Variants in ALPK2 observed in about 807,000 individuals in gnomAD.
ALPK2 encodes alpha kinase 2, also known as alpha-protein kinase 2.
ALPK2 carries 127 observed loss-of-function variants against 163.1 expected under a neutral mutation model. The observed-to-expected ratio is 0.78, with a 90% CI of 0.67 to 0.90. ALPK2 has a LOEUF of 0.90. Among genes scored for constraint, ALPK2 ranks in the 40% least tolerant of loss-of-function variants. The pLI, the probability that ALPK2 is intolerant of heterozygous loss-of-function variation, is 0.00. For missense variants in ALPK2, 2,360 were observed against 2,589.6 expected (o/e 0.91, Z 1.92); for synonymous variants, 953 against 959.1 (o/e 0.99, Z 0.12).
intron 4 of ALPK2, among the ~76,000 whole-genome samples, chr18:58,559,615 T>A (rs1489991002): frequency 2.0e-5 from 3 of 152,200 alleles, no homozygotes; most frequent in Admixed American, 6.5e-5. Flanking sequence ...TATAGTTGAT[T>A]GGCTATGGAG....
chr18:58,523,074 C>A (rs187219309), intron 8 of ALPK2, among the ~76,000 whole-genome samples: 2,504 of 108,176 alleles, frequency 0.023, 59 homozygotes, highest in South Asian at 0.047. Flanking sequence ...TCCCCCCACC[C>A]CACAACAGTC....
At chr18:58,607,514 T>C in intron 2 of ALPK2, 75 bp from the exon 3 acceptor site, 2 of 919,914 alleles carry the variant, frequency 2.2e-6, no homozygotes, top group Non-Finnish European at 3.2e-6. Context: ...CATAAAGCTA[T>C]GAACAAGGAT....
intron 4 of ALPK2, among the ~76,000 whole-genome samples, chr18:58,562,485 G>T (rs2144177919): frequency 6.6e-6 from 1 of 152,324 alleles, no homozygotes; most frequent in Non-Finnish European, 1.5e-5. Flanking sequence ...CACAATATCA[G>T]CATCATTCAA....
chr18:58,489,628 A>C (rs2051361596), intron 12 of ALPK2, among the ~76,000 whole-genome samples: 1 of 151,766 alleles, frequency 6.6e-6, no homozygotes, highest in Non-Finnish European at 1.5e-5. Context: ...TCGAGGCAGC[A>C]GTGAGCCATG....
chr18:58,584,395 A>G (rs2051975280), intron 3 of ALPK2, among the ~76,000 whole-genome samples: 1 of 152,206 alleles, frequency 6.6e-6, no homozygotes, highest in Non-Finnish European at 1.5e-5. Context: ...CCTGTGGGCA[A>G]AACTGAGGTT....
chr18:58,604,920 T>G (rs1176889255), intron 3 of ALPK2, among the ~76,000 whole-genome samples: 1 of 152,214 alleles, frequency 6.6e-6, no homozygotes. Flanking sequence ...CCTCATGGGC[T>G]TCTTATTCCT....
At position 58,536,117 on chromosome 18, in the gene ALPK2, A is replaced by C; in HGVS notation, c.4070T>G (p.Leu1357Arg). The change falls in exon 5 of 13, where the codon CTG becomes CGG. Residue 1357 changes from leucine (L) to arginine (R), a missense_variant. Transcript: ENST00000361673. Reference protein sequence around the residue: ...DEKELSVTDSLSAASETGGKE... With the variant: ...DEKELSVTDSRSAASETGGKE... The stretch of plus-strand genomic sequence containing the variant: ...CCCTCCAGTTTCAGAAGCCGCTGAC[A>C]GTGAATCTGTGACAGATAACTCCTT... The C allele has an allele frequency of 6.2e-7, 1 of 1,614,156 alleles. No homozygotes were observed. Among genetic ancestry groups the C allele is most frequent in the Non-Finnish European group, 8.5e-7 (1 of 1,180,030 alleles).
chr18:58,556,511 C>T (rs1042246748), intron 4 of ALPK2, among the ~76,000 whole-genome samples: 1 of 151,994 alleles, frequency 6.6e-6, no homozygotes, highest in African/African-American at 2.4e-5. Context: ...TTAGCCCAGG[C>T]ACCGTGCATT....
chr18:58,616,998 C>T (rs1255105616), intron 1 of ALPK2, among the ~76,000 whole-genome samples: 5 of 152,042 alleles, frequency 3.3e-5, no homozygotes, highest in Admixed American at 6.6e-5. Flanking sequence ...GAACTGAAGC[C>T]GAGAACACCC....
At chr18:58,583,616 C>A (rs1471892371) in intron 3 of ALPK2, among the ~76,000 whole-genome samples, 4 of 151,870 alleles carry the variant, frequency 2.6e-5, no homozygotes, top group Admixed American at 2.6e-4. Context: ...GAGTTCAAGA[C>A]CTGCCTGGGA....
At chr18:58,487,869 C>T (rs975907063) in intron 12 of ALPK2, among the ~76,000 whole-genome samples, 1 of 118,446 alleles carries the variant, frequency 8.4e-6, no homozygotes, top group Non-Finnish European at 1.9e-5. Context: ...AAAACAAAAA[C>T]AAAAACAAAA....
At chr18:58,487,897 A>G (rs1193106650) in intron 12 of ALPK2, among the ~76,000 whole-genome samples, 1 of 152,224 alleles carries the variant, frequency 6.6e-6, no homozygotes, top group Non-Finnish European at 1.5e-5. Flanking sequence ...ATAGCATTCA[A>G]TATATAGTCT....
At chr18:58,489,746 C>T (rs1339555427) in intron 12 of ALPK2, among the ~76,000 whole-genome samples, 2 of 152,138 alleles carry the variant, frequency 1.3e-5, no homozygotes, top group East Asian at 3.9e-4. Flanking sequence ...AAATACACAT[C>T]AGCTCTTTAA....
intron 4 of ALPK2, among the ~76,000 whole-genome samples, chr18:58,552,034 C>T (rs773724289): frequency 6.6e-6 from 1 of 152,114 alleles, no homozygotes; most frequent in African/African-American, 2.4e-5. Flanking sequence ...TATTTTCCCA[C>T]CCAACCCCAT....
intron 11 of ALPK2, among the ~76,000 whole-genome samples, chr18:58,498,450 G>A (rs8086573): frequency 2.0e-5 from 3 of 151,986 alleles, no homozygotes; most frequent in African/African-American, 7.3e-5. Flanking sequence ...CCAGAAATAC[G>A]GTGACTTTGG....
intron 3 of ALPK2, among the ~76,000 whole-genome samples, chr18:58,586,006 C>A (rs756766629): frequency 6.6e-6 from 1 of 152,146 alleles, no homozygotes; most frequent in Non-Finnish European, 1.5e-5. Context: ...TTAAGTGCAT[C>A]TTTTACCCAT....
At chr18:58,592,367 G>A (rs1266548334) in intron 3 of ALPK2, among the ~76,000 whole-genome samples, 1 of 152,232 alleles carries the variant, frequency 6.6e-6, no homozygotes, top group East Asian at 1.9e-4. Context: ...CTGGTGGTTA[G>A]GACAGGAGAG....
chr18:58,567,817 C>T (rs150763616), intron 4 of ALPK2, among the ~76,000 whole-genome samples: 5 of 152,288 alleles, frequency 3.3e-5, no homozygotes, highest in Admixed American at 1.3e-4. Flanking sequence ...ATGCAGCCTG[C>T]CCTCAGTGGT....
At chr18:58,588,797 G>C (rs537303112) in intron 3 of ALPK2, among the ~76,000 whole-genome samples, 2 of 152,198 alleles carry the variant, frequency 1.3e-5, no homozygotes, top group South Asian at 4.2e-4. Flanking sequence ...AGTATTCCGT[G>C]GTGTATATGT....
Sources: allele counts gnomAD v4.1 joint callset (sites outside exome capture counted in the v4.1 genomes callset), GRCh38; gene constraint gnomAD v4.1.1; transcripts MANE v1.5; gene names NCBI Gene and HGNC (gene_info 2026-07-23, HGNC 2026-07-21).